Variants in KLF17 observed in about 807,000 individuals in gnomAD.
KLF17 encodes KLF transcription factor 17.
Under a neutral mutation model 34.2 loss-of-function variants are expected in KLF17, and 31 were observed. The observed-to-expected ratio is 0.91, with a 90% CI of 0.68 to 1.22. The LOEUF is 1.22. Among genes scored for constraint, KLF17 ranks in the 50% most tolerant of loss-of-function variants. KLF17 has a pLI of 0.00. For synonymous variants in KLF17, 179 were observed against 186.7 expected (o/e 0.96, Z 0.34); for missense variants, 478 against 505.2 (o/e 0.95, Z 0.52).
chr1:44,059,934 A>G, the KLF17 span, among the ~76,000 whole-genome samples: 1 of 152,100 alleles, frequency 6.6e-6, no homozygotes, highest in Admixed American at 6.6e-5. Context: ...AGGTGGGAGC[A>G]CTGTTCCTTC....
chr1:44,123,506 T>C (rs755927721), intron 1 of KLF17, among the ~76,000 whole-genome samples: 8 of 152,232 alleles, frequency 5.3e-5, no homozygotes, highest in Non-Finnish European at 8.8e-5. Flanking sequence ...TTTGAGTCTT[T>C]TCTTTTTCCT....
the KLF17 span, among the ~76,000 whole-genome samples, chr1:44,081,746 T>C: frequency 6.6e-6 from 1 of 152,308 alleles, no homozygotes; most frequent in Admixed American, 6.5e-5. Flanking sequence ...TGTTTCCATA[T>C]GGGCACATCA....
chr1:44,068,967 C>T, the KLF17 span, among the ~76,000 whole-genome samples: 1 of 152,148 alleles, frequency 6.6e-6, no homozygotes, highest in Non-Finnish European at 1.5e-5. Flanking sequence ...GAATCCTTAC[C>T]TCTGCTTTCT....
chr1:44,126,537 G>A (rs2088010127), intron 1 of KLF17, among the ~76,000 whole-genome samples: 1 of 152,124 alleles, frequency 6.6e-6, no homozygotes, highest in African/African-American at 2.4e-5. Flanking sequence ...AATGCTGCCA[G>A]TGTGATAGTT....
At chr1:44,072,813 T>G in the KLF17 span, among the ~76,000 whole-genome samples, 1 of 152,142 alleles carries the variant, frequency 6.6e-6, no homozygotes, top group Non-Finnish European at 1.5e-5. Context: ...CCAGAGCCTC[T>G]GACAGTAAGA....
At chr1:44,094,172 C>T in the KLF17 span, among the ~76,000 whole-genome samples, 1 of 141,390 alleles carries the variant, frequency 7.1e-6, no homozygotes, top group African/African-American at 2.7e-5. Flanking sequence ...ATCTTTTGCC[C>T]ATTTTAAACA....
the KLF17 span, among the ~76,000 whole-genome samples, chr1:44,083,154 C>T: frequency 6.6e-6 from 1 of 151,628 alleles, no homozygotes; most frequent in Non-Finnish European, 1.5e-5. Flanking sequence ...TGCTATGTTA[C>T]CCAGGCTGGG....
chr1:44,100,282 G>T, the KLF17 span, among the ~76,000 whole-genome samples: 1 of 150,086 alleles, frequency 6.7e-6, no homozygotes, highest in African/African-American at 2.4e-5. Flanking sequence ...AAGAGAGAGA[G>T]AGAAAGAAAT....
the KLF17 span, among the ~76,000 whole-genome samples, chr1:44,087,757 TATATATATATATACAC>T: frequency 0.014 from 734 of 53,488 alleles, 4 homozygotes; most frequent in Non-Finnish European, 0.016. Flanking sequence ...TATATATATA[TATATATATATATACAC>T]ACACACACAC....
chr1:44,085,167 TGCTG>T, the KLF17 span, among the ~76,000 whole-genome samples: 1 of 152,062 alleles, frequency 6.6e-6, no homozygotes. Flanking sequence ...TAGTTGTAGT[TGCTG>T]GAGATAAAGT....
chr1:44,071,741 A>G, the KLF17 span, among the ~76,000 whole-genome samples: 7 of 152,268 alleles, frequency 4.6e-5, no homozygotes, highest in South Asian at 1.0e-3. Flanking sequence ...GCTGAAGCCA[A>G]TCTAGTGAGG....
chr1:44,122,329 C>T (rs1316404741), intron 1 of KLF17: 14 of 1,602,526 alleles, frequency 8.7e-6, no homozygotes, highest in Admixed American at 1.7e-5. Flanking sequence ...ATGTTATTTC[C>T]TCGAATACTC....
At chr1:44,064,619 T>C in the KLF17 span, among the ~76,000 whole-genome samples, 2 of 152,366 alleles carry the variant, frequency 1.3e-5, no homozygotes, top group East Asian at 1.9e-4. Flanking sequence ...TGATCACGAC[T>C]GTGTTGATTT....
chr1:44,109,649 A>T, the KLF17 span, among the ~76,000 whole-genome samples: 1 of 152,150 alleles, frequency 6.6e-6, no homozygotes, highest in Admixed American at 6.5e-5. Context: ...AATAATCTGT[A>T]TACCGAACAC....
chr1:44,065,361 T>C, the KLF17 span, among the ~76,000 whole-genome samples: 78 of 151,452 alleles, frequency 5.2e-4, 2 homozygotes, highest in South Asian at 0.016. Flanking sequence ...ATCATAAAAT[T>C]GTCGGCATAA....
At chr1:44,095,467 G>C in the KLF17 span, among the ~76,000 whole-genome samples, 1 of 151,516 alleles carries the variant, frequency 6.6e-6, no homozygotes, top group Non-Finnish European at 1.5e-5. Flanking sequence ...CACCTGCCTT[G>C]GCCTCCCAAA....
chr1:44,084,433 T>C, the KLF17 span, among the ~76,000 whole-genome samples: 4 of 152,118 alleles, frequency 2.6e-5, no homozygotes, highest in South Asian at 2.1e-4. Context: ...ATCCCAGCAC[T>C]TTGGGAAGCC....
the KLF17 span, among the ~76,000 whole-genome samples, chr1:44,083,069 G>A: frequency 1.3e-5 from 2 of 150,942 alleles, no homozygotes; most frequent in Non-Finnish European, 2.9e-5. Flanking sequence ...ATCCTCCTGA[G>A]TAGCTAGGAC....
the KLF17 span, among the ~76,000 whole-genome samples, chr1:44,048,826 TTTG>T: frequency 0.064 from 8,679 of 136,490 alleles, 263 homozygotes; most frequent in Middle Eastern, 0.12. Flanking sequence ...ATTAGTTTTC[TTTG>T]TTTTTATGTG....
Sources: gnomAD v4.1 joint callset for allele counts (sites outside exome capture counted in the v4.1 genomes callset) on GRCh38, gnomAD v4.1.1 for gene constraint, MANE v1.5 for transcripts, NCBI Gene and HGNC (gene_info 2026-07-23, HGNC 2026-07-21) for gene names.